PRSS2: variants seen among roughly 807,000 people sequenced by gnomAD.
The protein encoded by PRSS2 is serine protease 2.
A neutral mutation model predicts 19.2 loss-of-function variants in PRSS2; 19 were observed. The ratio of observed to expected loss-of-function variants is 0.99; its 90% confidence interval spans 0.69 to 1.45. PRSS2 has a LOEUF of 1.45. Among genes scored for constraint, PRSS2 ranks in the 40% most tolerant of loss-of-function variants. The pLI, the probability that PRSS2 is intolerant of heterozygous loss-of-function variation, is 0.00. For missense variants in PRSS2, 288 were observed against 294.4 expected (o/e 0.98, Z 0.16); for synonymous variants, 107 against 117.5 (o/e 0.91, Z 0.58).
chr7:142,774,160 G>A (rs1438760515), intron 4 of PRSS2, 105 bp downstream of exon 4: 1 of 1,138,730 alleles, frequency 8.8e-7, no homozygotes, highest in South Asian at 1.3e-5. Context: ...GCTCCCTGCA[G>A]TGCCCCATGG....
At position 142,773,477 on chromosome 7, in the gene PRSS2, G is replaced by A. The variant is rs781754312; in HGVS notation, c.412G>A (p.Glu138Lys). The change falls in exon 3 of 5, where the codon GAG (glutamate) becomes AAG (lysine). Residue 138 changes from glutamate to lysine, a missense_variant. By Grantham distance (56) the Glu-to-Lys change is moderately conservative. Transcript: ENST00000539842. Reference sequence around the variant, plus strand: ...CACTGCCCCTCCAGCTGCTGGCACCGAGTCCCTCATCTCCGGCTGGGGCAA... The same window carrying A: ...CACTGCCCCTCCAGCTGCTGGCACCAAGTCCCTCATCTCCGGCTGGGGCAA... ...LPTAPPAAGT[E>K]SLISGWGNTL... 37 of 1,597,254 alleles carry A rather than the reference G, an allele frequency of 2.3e-5. No homozygotes were observed. In the South Asian group the frequency reaches 2.5e-4, roughly 11 times the overall value.
intron 1 of PRSS2, among the ~76,000 whole-genome samples, chr7:142,771,273 G>C (rs943750141): frequency 2.6e-5 from 4 of 152,234 alleles, no homozygotes; most frequent in Non-Finnish European, 5.9e-5. Flanking sequence ...GGGAGACCAG[G>C]TGGGGCTGGC....
At chr7:142,772,727 C>T (rs1006147420) in intron 2 of PRSS2, 3 of 409,950 alleles carry the variant, frequency 7.3e-6, no homozygotes, top group African/African-American at 5.2e-5. Flanking sequence ...CTTGTTAAGG[C>T]ACAAATCACT....
At chr7:142,774,315 C>A in intron 4 of PRSS2, 41 bp from the exon 5 acceptor site, 2 of 1,113,284 alleles carry the variant, frequency 1.8e-6, no homozygotes, top group Non-Finnish European at 2.8e-6. Context: ...TATTCCTCCT[C>A]CATCTCTCTC....
rs749998938 is a variant in PRSS2 at position 142,772,081 on chromosome 7, G to A, written c.73G>A (p.Val25Ile). The change falls in exon 2 of 5, where the codon GTT becomes ATT. Residue 25 changes from valine (V) to isoleucine (I), a missense_variant. Transcript: ENST00000539842. ...CCCCTTTGATGATGATGACAAGATC[G>A]TTGGGGGCTACATCTGTGAGGAGAA... is the stretch of plus-strand genomic sequence containing the variant. ...AAPFDDDDKI[V>I]GGYICEENSV... is the part of the protein sequence containing the mutation. 8.4e-5 allele frequency: 136 copies of A among 1,613,808 alleles called. No homozygotes were observed. Among genetic ancestry groups the A allele is most frequent in the Middle Eastern group, 5.0e-4 (3 of 6,056 alleles).
Position 142,773,297 on chromosome 7 carries a change from A to C in PRSS2, c.232A>C (p.Ile78Leu), listed in dbSNP as rs1586043987. 1.2e-6 allele frequency: 2 copies of C among 1,614,224 alleles called. No individual in the cohort carries two copies. Among genetic ancestry groups the C allele is most frequent in the East Asian group, 4.5e-5 (2 of 44,872 alleles). Residue 78 changes from isoleucine (I) to leucine (L), a missense_variant, in exon 3 of 5, where the codon ATC becomes CTC. Transcript: ENST00000539842. ...RIQVRLGEHN[I>L]EVLEGNEQFI... The stretch of plus-strand genomic sequence containing the variant: ...CCAGGTGAGACTGGGAGAGCACAAC[A>C]TCGAAGTCCTGGAGGGGAATGAACA...
chr7:142,771,076 T>C, intron 1 of PRSS2, 54 bp downstream of exon 1: 2 of 557,408 alleles, frequency 3.6e-6, no homozygotes, highest in South Asian at 3.9e-5. Context: ...GGCAGACACA[T>C]GCCCTGCCAT....
At chr7:142,771,923 TC>T (rs1273453652) in intron 1 of PRSS2, 125 bp from the exon 2 acceptor site, 26 of 1,422,858 alleles carry the variant, frequency 1.8e-5, no homozygotes, top group African/African-American at 4.3e-5. Flanking sequence ...CTGGCAGCGC[TC>T]CCCCCCTTGC....
chr7:142,774,269 A>G (rs1317068030), intron 4 of PRSS2, 87 bp from the exon 5 acceptor site: 12 of 1,058,368 alleles, frequency 1.1e-5, no homozygotes, highest in Non-Finnish European at 1.8e-5. Flanking sequence ...AGCTGGCTGG[A>G]AAGGGCTCTT....
Position 142,773,295 on chromosome 7 carries a change from A to T in PRSS2, c.230A>T (p.Asn77Ile). Residue 77 changes from asparagine to isoleucine, a missense_variant, in exon 3 of 5, where the codon AAC (asparagine) becomes ATC (isoleucine). Coordinates refer to ENST00000539842, the MANE Select transcript of PRSS2 (RefSeq NM_002770.4). ...SRIQVRLGEH[N>I]IEVLEGNEQF... ...ATCCAGGTGAGACTGGGAGAGCACAACATCGAAGTCCTGGAGGGGAATGAA... is the reference window on the plus strand; with the variant it reads ...ATCCAGGTGAGACTGGGAGAGCACATCATCGAAGTCCTGGAGGGGAATGAA... 1 of 1,614,244 alleles carries T rather than the reference A, an allele frequency of 6.2e-7. No homozygotes were observed. The highest frequency in any genetic ancestry group is 8.5e-7 in the Non-Finnish European group (1 of 1,180,048).
At chr7:142,771,074 C>T (rs1046534973) in intron 1 of PRSS2, 52 bp downstream of exon 1, 13 of 554,992 alleles carry the variant, frequency 2.3e-5, no homozygotes, top group African/African-American at 1.5e-4. Context: ...CTGGCAGACA[C>T]ATGCCCTGCC....
intron 3 of PRSS2, 126 bp from the exon 4 acceptor site, chr7:142,773,793 C>T: frequency 7.1e-7 from 1 of 1,404,932 alleles, no homozygotes; most frequent in Non-Finnish European, 1.0e-6. Context: ...GAGTCCCTTG[C>T]CAGGACTTAT....
Position 142,772,066 on chromosome 7 carries a change from G to C in PRSS2, c.58G>C (p.Asp20His). 6.2e-7 allele frequency: 1 copy of C among 1,613,842 alleles called. No homozygotes were observed. The highest frequency in any genetic ancestry group is 8.5e-7 in the Non-Finnish European group (1 of 1,179,726). ...VAAAVAAPFD[D>H]DDKIVGGYIC... is the part of the protein sequence containing the mutation. ...CACTCCAGTTGCTGCCCCCTTTGAT[G>C]ATGATGACAAGATCGTTGGGGGCTA... Residue 20 changes from aspartate to histidine, a missense_variant, in exon 2 of 5, where the codon GAT becomes CAT. By Grantham distance (81) the Asp-to-His change is moderately conservative. Transcript: ENST00000539842.
In PRSS2 at chr7:142,774,024, G is replaced by A; in HGVS notation, c.560G>A (p.Gly187Asp). The change falls in exon 4 of 5, where the codon GGC (glycine) becomes GAC (aspartate). Residue 187 changes from glycine to aspartate, a missense_variant. By Grantham distance (94) the Gly-to-Asp change is moderately conservative. Coordinates refer to ENST00000539842, the MANE Select transcript of PRSS2 (RefSeq NM_002770.4). ...GKITNNMFCVGFLEGGKDSCQ... is the reference protein window; with the variant it reads ...GKITNNMFCVDFLEGGKDSCQ... ...ATTACCAACAACATGTTCTGTGTGG[G>A]CTTCCTCGAGGGAGGCAAGGATTCC... 1 of 1,604,028 alleles carries A rather than the reference G, an allele frequency of 6.2e-7. No individual in the cohort carries two copies. The highest frequency in any genetic ancestry group is 1.7e-5 in the Admixed American group (1 of 60,020).
rs1040386556 is a variant in PRSS2, at chr7:142,771,916, G to A, written c.41-133G>A. 5,011 of 1,350,366 alleles carry A rather than the reference G, an allele frequency of 3.7e-3. 22 individuals carry two copies. The African/African-American group carries it at 0.057, about 15-fold the overall frequency. The allele number at this position is 1,350,366 out of a possible 1,614,324, so 83.6% of individuals were successfully genotyped here. The stretch of plus-strand genomic sequence containing the variant: ...CATCCAGTGATGATCACCAGGGCTG[G>A]CAGCGCTCCCCCCCTTGCCTAGCCT... On this transcript the variant is annotated intron_variant, in intron 1 of 4. Coordinates refer to ENST00000539842, the MANE Select transcript of PRSS2 (RefSeq NM_002770.4).
chr7:142,771,859 C>A (rs927912747), intron 1 of PRSS2, among the ~76,000 whole-genome samples, 190 bp from the exon 2 acceptor site: 1 of 152,246 alleles, frequency 6.6e-6, no homozygotes, highest in African/African-American at 2.4e-5. Flanking sequence ...TACCTAGCTA[C>A]GTGCCCTGCA....
rs1800212588 is a variant in PRSS2 at position 142,773,984 on chromosome 7, T to G, written c.520T>G (p.Ser174Ala). 2 of 1,609,800 alleles carry G rather than the reference T, an allele frequency of 1.2e-6. No homozygotes were observed. Among genetic ancestry groups the G allele is most frequent in the Non-Finnish European group, 8.5e-7 (1 of 1,176,092 alleles). ...GCTGAGCCAGGCTGAGTGTGAAGCC[T>G]CCTACCCTGGAAAGATTACCAACAA... ...PVLSQAECEA[S>A]YPGKITNNMF... is the part of the protein sequence containing the mutation. The change falls in exon 4 of 5, where the codon TCC becomes GCC. Residue 174 changes from serine to alanine, a missense_variant. Transcript: ENST00000539842.
At chr7:142,772,963 C>A (rs1489507972) in intron 2 of PRSS2, among the ~76,000 whole-genome samples, 2 of 152,096 alleles carry the variant, frequency 1.3e-5, no homozygotes, top group African/African-American at 4.8e-5. Context: ...CTCCTTGTGC[C>A]CACAGTGCTA....
chr7:142,773,003 G>C (rs1478559890), intron 2 of PRSS2, among the ~76,000 whole-genome samples: 2 of 151,890 alleles, frequency 1.3e-5, no homozygotes, highest in African/African-American at 4.8e-5. Context: ...AAAGAGTCTG[G>C]GAAGGCAGAT....
Sources: allele counts gnomAD v4.1 joint callset (sites outside exome capture counted in the v4.1 genomes callset), GRCh38; gene constraint gnomAD v4.1.1; transcripts MANE v1.5; gene names NCBI Gene and HGNC (gene_info 2026-07-23, HGNC 2026-07-21).